Variants in MDN1 observed in about 807,000 individuals in gnomAD.
MDN1 encodes the protein midasin AAA ATPase 1, also known as midasin.
MDN1 carries 266 observed loss-of-function variants against 669.2 expected under a neutral mutation model. The observed-to-expected ratio is 0.40, with a 90% CI of 0.36 to 0.44. The LOEUF (loss-of-function observed/expected upper bound fraction) is 0.44. MDN1 is among the 20% of genes least tolerant of loss of function. The probability of loss-of-function intolerance (pLI) is 1.00; values close to 1 mark genes in which losing one functional copy is unlikely to be tolerated. For missense variants in MDN1, 5,940 were observed against 6,754.0 expected (o/e 0.88, Z 4.22); for synonymous variants, 2,385 against 2,457.1 (o/e 0.97, Z 0.87).
intron 83 of MDN1, among the ~76,000 whole-genome samples, chr6:89,670,150 A>G (rs1205254878): frequency 4.8e-5 from 1 of 20,874 alleles, no homozygotes; most frequent in Non-Finnish European, 7.7e-5. Flanking sequence ...ATATATATAT[A>G]TATATATATA....
chr6:89,766,413 A>G (rs998561376), intron 15 of MDN1, among the ~76,000 whole-genome samples: 1 of 152,244 alleles, frequency 6.6e-6, no homozygotes, highest in Non-Finnish European at 1.5e-5. Context: ...ATTTCAAAAA[A>G]GAATAAACAA....
At chr6:89,746,468 G>T (rs547941036) in intron 27 of MDN1, among the ~76,000 whole-genome samples, 227 of 151,974 alleles carry the variant, frequency 1.5e-3, no homozygotes, top group African/African-American at 5.3e-3. Context: ...TGTAATCCCA[G>T]CTACTTGGGA....
At chr6:89,756,737 A>G (rs1052228451) in intron 19 of MDN1, among the ~76,000 whole-genome samples, 2 of 152,148 alleles carry the variant, frequency 1.3e-5, no homozygotes, top group African/African-American at 4.8e-5. Flanking sequence ...CCTGGCTAAC[A>G]TGGTGAAACC....
In MDN1 at chr6:89,750,388, C is replaced by T. The variant is rs116023976; in HGVS notation, c.3372G>A (p.Thr1124=). 702 of 1,613,198 alleles carry T rather than the reference C, an allele frequency of 4.4e-4. 3 individuals carry two copies. Among genetic ancestry groups the T allele is most frequent in the African/African-American group, 3.7e-3 (277 of 75,044 alleles). Residue 1124 remains threonine, a synonymous_variant, in exon 24 of 102, where the codon ACG becomes ACA. Coordinates refer to ENST00000369393, the MANE Select transcript of MDN1 (RefSeq NM_014611.3). ...TDIQEYIGCY[T]SDSSGKLVFK... ...AGACAAGCTTCCCTGAGGAGTCAGA[C>T]GTGTAACAACCAATGTACTCCTGAA...
At position 89,734,691 on chromosome 6, in the gene MDN1, A is replaced by ACGAGAGAG. The variant is rs370691129; in HGVS notation, c.4724-1917_4724-1916insCTCTCTCG. Among the ~76,000 whole-genome samples the ACGAGAGAG allele has an allele frequency of 1.8e-4, 20 of 112,994 alleles. 1 individual carries two copies. Among genetic ancestry groups the ACGAGAGAG allele is most frequent in the African/African-American group, 2.8e-4 (8 of 28,838 alleles). The allele number at this position is 112,994 out of a possible 152,430, so 74.1% of individuals were successfully genotyped here. A position where few individuals can be genotyped will look rare whatever the true frequency, so the allele number is the denominator to read the frequency against. Reference sequence around the variant, plus strand: ...AGAAGAAAAAAAAAAAAAAAAAAACAAGAGAGAGAGAGAGAGAGAGAGAGA... The same window carrying ACGAGAGAG: ...AGAAGAAAAAAAAAAAAAAAAAAACACGAGAGAGAGAGAGAGAGAGAGAGAGAGAGAGA... On this transcript the variant is annotated intron_variant, in intron 33 of 101. Coordinates refer to ENST00000369393, the MANE Select transcript of MDN1 (RefSeq NM_014611.3).
chr6:89,652,857 G>T (rs184889810), intron 94 of MDN1, 135 bp downstream of exon 94: 98 of 897,258 alleles, frequency 1.1e-4, no homozygotes, highest in Non-Finnish European at 1.6e-4. Context: ...TAAAAATTTT[G>T]AATAAGAACA....
At position 89,670,996 on chromosome 6, in the gene MDN1, T is replaced by C; in HGVS notation, c.13879A>G (p.Met4627Val). Residue 4627 changes from methionine to valine, a missense_variant, in exon 83 of 102, where the codon ATG becomes GTG. This residue lies in a region of MDN1 where 2,280 missense variants were observed against 2,576.3 expected (regional missense o/e 0.88). Transcript: ENST00000369393. ...GTACTACGGTGAGTTGCTAAAGACATGGTCAGGAAGAAGAGGACGAGGTCT... is the reference window on the plus strand; with the variant it reads ...GTACTACGGTGAGTTGCTAAAGACACGGTCAGGAAGAAGAGGACGAGGTCT... ...YSDLVLFFLTMSLATHRSTAK... is the reference protein window; with the variant it reads ...YSDLVLFFLTVSLATHRSTAK... 1 of 1,613,972 alleles carries C rather than the reference T, an allele frequency of 6.2e-7. No homozygotes were observed.
chr6:89,745,206 A>G, intron 29 of MDN1, 67 bp downstream of exon 29: 1 of 1,521,916 alleles, frequency 6.6e-7, no homozygotes, highest in South Asian at 1.2e-5. Flanking sequence ...TGAGTTCTTC[A>G]GTGATAACTC....
Position 89,771,637 on chromosome 6 carries a change from T to G in MDN1, c.2084-16A>C, listed in dbSNP as rs758370839. The G allele has an allele frequency of 1.2e-6, 2 of 1,609,610 alleles. No individual in the cohort carries two copies. The highest frequency in any genetic ancestry group is 3.3e-5 in the Admixed American group (2 of 59,776). ...AAACGGTGGCCTTTTATAAAGAAAG[T>G]GCAAAAGTGTTACTCCAAAAATTTA... On this transcript the variant is annotated splice_polypyrimidine_tract_variant and intron_variant, in intron 14 of 101. Transcript: ENST00000369393.
At chr6:89,744,089 G>A (rs1816443342) in intron 29 of MDN1, among the ~76,000 whole-genome samples, 1 of 138,670 alleles carries the variant, frequency 7.2e-6, no homozygotes. Flanking sequence ...GGTAACAAGA[G>A]CGGAATGCCT....
chr6:89,804,460 T>A (rs376196296), intron 1 of MDN1, among the ~76,000 whole-genome samples: 1 of 152,148 alleles, frequency 6.6e-6, no homozygotes, highest in South Asian at 2.1e-4. Context: ...ACACGACTTA[T>A]CTGAAAAATA....
intron 1 of MDN1, among the ~76,000 whole-genome samples, chr6:89,816,226 C>G (rs1397599177): frequency 1.3e-5 from 2 of 152,086 alleles, no homozygotes; most frequent in East Asian, 3.9e-4. Context: ...ATGGTGAAAC[C>G]CCGTCTCTAC....
chr6:89,750,846 G>A (rs1210176016), intron 23 of MDN1, among the ~76,000 whole-genome samples: 1 of 151,426 alleles, frequency 6.6e-6, no homozygotes, highest in African/African-American at 2.4e-5. Context: ...CAAGTGATCC[G>A]ACCGCCTTGG....
chr6:89,735,447 C>T (rs1815910279), intron 33 of MDN1, among the ~76,000 whole-genome samples: 1 of 144,314 alleles, frequency 6.9e-6, no homozygotes, highest in African/African-American at 2.6e-5. Flanking sequence ...AATCATAGTT[C>T]ATTGTAATCT....
Position 89,714,759 on chromosome 6 carries a change from A to G in MDN1, c.6861-8T>C, listed in dbSNP as rs78551873. 66,158 of 1,603,014 alleles carry G rather than the reference A, an allele frequency of 0.041. 1,974 individuals carry two copies. The highest frequency in any genetic ancestry group is 0.12 in the South Asian group (11,212 of 89,894). On this transcript the variant is annotated splice_region_variant and splice_polypyrimidine_tract_variant and intron_variant, in intron 45 of 101. Coordinates refer to ENST00000369393, the MANE Select transcript of MDN1 (RefSeq NM_014611.3). ...TCCATCGAGAGGAAAAGTCTAGAAA[A>G]ATAGCAATTCAAAGAAAAAAATGAT...
intron 20 of MDN1, 96 bp downstream of exon 20, chr6:89,756,181 A>G (rs1562185113): frequency 1.8e-5 from 10 of 563,798 alleles, no homozygotes; most frequent in Non-Finnish European, 3.1e-5. Context: ...TTCTCAAGTT[A>G]GAAGTAAAAA....
At chr6:89,725,134 T>A in intron 38 of MDN1, 65 bp downstream of exon 38, 1 of 1,448,596 alleles carries the variant, frequency 6.9e-7, no homozygotes, top group East Asian at 2.3e-5. Context: ...CCTTAAAGGC[T>A]TCATAATAGT....
intron 95 of MDN1, 36 bp downstream of exon 95, chr6:89,652,156 G>A: frequency 6.4e-7 from 1 of 1,559,634 alleles, no homozygotes; most frequent in Non-Finnish European, 8.8e-7. Flanking sequence ...AAAAAGTCGA[G>A]ATATTTTATG....
intron 27 of MDN1, among the ~76,000 whole-genome samples, chr6:89,746,466 C>T (rs1279408308): frequency 6.6e-6 from 1 of 151,774 alleles, no homozygotes. Flanking sequence ...CCTGTAATCC[C>T]AGCTACTTGG....
Sources: gnomAD v4.1 joint callset for allele counts (sites outside exome capture counted in the v4.1 genomes callset) on GRCh38, gnomAD v4.1.1 for gene constraint, gnomAD v4.1.1 regional missense constraint, MANE v1.5 for transcripts, NCBI Gene and HGNC (gene_info 2026-07-23, HGNC 2026-07-21) for gene names.